The following ERC2 variants were observed in gnomAD, a reference collection of about 807,000 sequenced individuals.
ERC2 encodes the protein ERC protein 2.
ERC2 carries 42 observed loss-of-function variants against 114.8 expected under a neutral mutation model. That is an observed-to-expected ratio of 0.37 (90% CI 0.29 to 0.47). The LOEUF (loss-of-function observed/expected upper bound fraction) is 0.47, where lower values mean the gene tolerates loss of function less well. Among genes scored for constraint, ERC2 ranks in the 20% least tolerant of loss-of-function variants. ERC2 has a pLI of 0.99. For synonymous variants in ERC2, 454 were observed against 425.5 expected (o/e 1.07, Z -0.82); for missense variants, 939 against 1,150.7 (o/e 0.82, Z 2.66).
intron 14 of ERC2, among the ~76,000 whole-genome samples, chr3:55,802,822 C>T (rs748077245): frequency 6.6e-6 from 1 of 152,104 alleles, no homozygotes; most frequent in Non-Finnish European, 1.5e-5. Context: ...GATGACACTA[C>T]CCCACTGTCA....
chr3:55,804,448 C>T (rs185343000), intron 14 of ERC2, among the ~76,000 whole-genome samples: 1 of 152,276 alleles, frequency 6.6e-6, no homozygotes, highest in East Asian at 1.9e-4. Context: ...GAGTGTTAGC[C>T]TAACCCCAGA....
chr3:55,883,181 T>A (rs2063192130), intron 14 of ERC2, among the ~76,000 whole-genome samples: 1 of 152,220 alleles, frequency 6.6e-6, no homozygotes, highest in Admixed American at 6.5e-5. Flanking sequence ...GCCTACCATG[T>A]GACAGATTCA....
At chr3:55,910,609 C>G (rs1168622073) in intron 13 of ERC2, among the ~76,000 whole-genome samples, 1 of 152,148 alleles carries the variant, frequency 6.6e-6, no homozygotes, top group East Asian at 1.9e-4. Flanking sequence ...TACTAATTAA[C>G]AATTGCATGG....
intron 7 of ERC2, among the ~76,000 whole-genome samples, chr3:56,033,863 A>G (rs1014800477): frequency 1.3e-5 from 2 of 152,052 alleles, no homozygotes; most frequent in South Asian, 4.1e-4. Context: ...TGGCATGATC[A>G]TGGCTCACTG....
intron 17 of ERC2, among the ~76,000 whole-genome samples, chr3:55,619,877 G>T (rs2059260064): frequency 6.6e-6 from 1 of 152,148 alleles, no homozygotes; most frequent in Non-Finnish European, 1.5e-5. Context: ...TGAAAGATCA[G>T]GTTAATCTAG....
chr3:56,304,359 C>T (rs934220384), intron 2 of ERC2, among the ~76,000 whole-genome samples: 37 of 152,122 alleles, frequency 2.4e-4, no homozygotes, highest in African/African-American at 7.5e-4. Flanking sequence ...AATGGACAAA[C>T]GACTAGTCAT....
chr3:55,806,798 C>T (rs559364008), intron 14 of ERC2, among the ~76,000 whole-genome samples: 3 of 152,278 alleles, frequency 2.0e-5, no homozygotes, highest in Admixed American at 6.5e-5. Flanking sequence ...CCCAGCTCTA[C>T]CCCTAAGTAG....
intron 9 of ERC2, among the ~76,000 whole-genome samples, chr3:56,008,322 C>A (rs2072662395): frequency 6.6e-6 from 1 of 152,140 alleles, no homozygotes; most frequent in Non-Finnish European, 1.5e-5. Context: ...CTCTGGGGAA[C>A]AGGTGAGCCA....
At chr3:56,312,943 C>T (rs2056662653) in intron 2 of ERC2, among the ~76,000 whole-genome samples, 1 of 136,468 alleles carries the variant, frequency 7.3e-6, no homozygotes, top group South Asian at 2.4e-4. Context: ...AGATAAGCTA[C>T]CTACTGCTAT....
intron 14 of ERC2, among the ~76,000 whole-genome samples, chr3:55,790,364 C>A (rs2069896834): frequency 6.6e-6 from 1 of 152,170 alleles, no homozygotes; most frequent in South Asian, 2.1e-4. Flanking sequence ...TGTAGCCCCC[C>A]ACAATACAGT....
At chr3:56,200,100 G>A (rs933480912) in intron 3 of ERC2, among the ~76,000 whole-genome samples, 9 of 152,044 alleles carry the variant, frequency 5.9e-5, no homozygotes, top group African/African-American at 1.9e-4. Flanking sequence ...AAGAGTTAGG[G>A]TTACTGTGAG....
chr3:55,559,209 G>C (rs1294755638), intron 17 of ERC2, among the ~76,000 whole-genome samples: 1 of 152,162 alleles, frequency 6.6e-6, no homozygotes, highest in African/African-American at 2.4e-5. Flanking sequence ...TGACTCCTGA[G>C]CCTTCTGAAA....
At chr3:56,100,668 C>T (rs913108500) in intron 6 of ERC2, among the ~76,000 whole-genome samples, 2 of 152,172 alleles carry the variant, frequency 1.3e-5, no homozygotes, top group African/African-American at 4.8e-5. Flanking sequence ...TCATAAGCAT[C>T]CCTACGAACA....
At chr3:55,960,804 G>A (rs1010869207) in intron 12 of ERC2, among the ~76,000 whole-genome samples, 5 of 152,164 alleles carry the variant, frequency 3.3e-5, no homozygotes, top group African/African-American at 4.8e-5. Flanking sequence ...TTCCTCCCTC[G>A]AAAAACATTT....
chr3:55,579,684 G>C (rs999671426), intron 17 of ERC2, among the ~76,000 whole-genome samples: 4 of 152,234 alleles, frequency 2.6e-5, no homozygotes, highest in Non-Finnish European at 4.4e-5. Context: ...GCTGCAGCTG[G>C]TGTGCACGGC....
At chr3:55,599,687 T>C (rs1464754470) in intron 17 of ERC2, among the ~76,000 whole-genome samples, 1 of 152,200 alleles carries the variant, frequency 6.6e-6, no homozygotes, top group Non-Finnish European at 1.5e-5. Flanking sequence ...GTGACTACAG[T>C]CATCTATAGT....
rs565111494 is a variant in ERC2 at position 55,643,880 on chromosome 3, A to C, written c.*39+39914T>G. Among the ~76,000 whole-genome samples the C allele has an allele frequency of 1.4e-4, 22 of 152,350 alleles. 1 individual carries two copies. The South Asian group carries it at 4.1e-3, about 29-fold the overall frequency. On this transcript the variant is annotated intron_variant, in intron 17 of 17. Transcript: ENST00000288221. ...ATTAATGCAAAGCAGCTTTCACTAT[A>C]AATATTTGGTCTCTGAGTTTCAAGA...
chr3:55,802,942 G>A (rs1031442925), intron 14 of ERC2, among the ~76,000 whole-genome samples: 55 of 152,220 alleles, frequency 3.6e-4, no homozygotes, highest in East Asian at 3.1e-3. Flanking sequence ...CTGAATATAC[G>A]GTGTAGTTAG....
intron 14 of ERC2, among the ~76,000 whole-genome samples, chr3:55,810,130 A>G (rs895872241): frequency 2.6e-5 from 4 of 152,044 alleles, no homozygotes; most frequent in African/African-American, 9.7e-5. Flanking sequence ...TCATGAAAAC[A>G]TTTTCATATT....
Sources: gnomAD v4.1 joint callset for allele counts (sites outside exome capture counted in the v4.1 genomes callset) on GRCh38, gnomAD v4.1.1 for gene constraint, MANE v1.5 for transcripts, NCBI Gene and HGNC (gene_info 2026-07-23, HGNC 2026-07-21) for gene names.